The following DNAH9 variants were observed in gnomAD, a reference collection of about 807,000 sequenced individuals.
DNAH9 encodes the protein dynein axonemal heavy chain 9.
DNAH9 carries 345 observed loss-of-function variants against 471.6 expected under a neutral mutation model. The ratio of observed to expected loss-of-function variants is 0.73; its 90% CI spans 0.67 to 0.80. The LOEUF is 0.80. Ranked by LOEUF, DNAH9 falls within the 30% of genes least tolerant of loss-of-function variation. The pLI is 0.00. For missense variants in DNAH9, 5,407 were observed against 5,609.2 expected (o/e 0.96, Z 1.15); for synonymous variants, 2,093 against 2,123.6 (o/e 0.99, Z 0.40).
chr17:11,867,786 A>T (rs1383069761), intron 50 of DNAH9, among the ~76,000 whole-genome samples: 1 of 152,210 alleles, frequency 6.6e-6, no homozygotes, highest in Non-Finnish European at 1.5e-5. Context: ...TTATGCCAAG[A>T]TGTGGCACCT....
chr17:11,864,062 A>G (rs1366532203), intron 50 of DNAH9, among the ~76,000 whole-genome samples: 2 of 150,508 alleles, frequency 1.3e-5, no homozygotes. Flanking sequence ...GCCTTCTGCT[A>G]GCTTTTAAAT....
chr17:11,835,140 G>A (rs1970807455), intron 49 of DNAH9, among the ~76,000 whole-genome samples: 1 of 152,194 alleles, frequency 6.6e-6, no homozygotes, highest in East Asian at 1.9e-4. Context: ...AAAGTCAGCT[G>A]ATCCAAACTC....
chr17:11,829,170 A>T (rs1970604223), intron 48 of DNAH9, among the ~76,000 whole-genome samples: 1 of 152,124 alleles, frequency 6.6e-6, no homozygotes, highest in Non-Finnish European at 1.5e-5. Context: ...TCTGTAACAA[A>T]CTCTTAATCT....
chr17:11,944,772 T>C (rs1244888028), intron 67 of DNAH9, among the ~76,000 whole-genome samples: 6 of 152,054 alleles, frequency 3.9e-5, no homozygotes, highest in Non-Finnish European at 8.8e-5. Context: ...TACCAACCTC[T>C]AAGGGTGGGG....
rs762163659 is a variant in DNAH9 at position 11,694,455 on chromosome 17, G to T, written c.4872+8G>T. ...GGCACAGCTCCACAACAGGTAAGCT[G>T]GAGGAGCATCTGCAGAAAGGTCTAG... On this transcript the variant is annotated splice_region_variant and intron_variant, in intron 22 of 68. Transcript: ENST00000262442. The T allele has an allele frequency of 6.2e-7, 1 of 1,613,188 alleles. No homozygotes were observed. Among genetic ancestry groups the T allele is most frequent in the Non-Finnish European group, 8.5e-7 (1 of 1,179,822 alleles).
intron 28 of DNAH9, 134 bp from the exon 29 acceptor site, chr17:11,738,746 A>AT: frequency 1.3e-6 from 1 of 753,084 alleles, no homozygotes; most frequent in Non-Finnish European, 2.2e-6. Flanking sequence ...TGTGGTCATC[A>AT]TGCCTGTCTT....
chr17:11,962,365 A>T lies in DNAH9; in HGVS notation c.13233+109A>T. 6.9e-7 allele frequency: 1 copy of T among 1,447,096 alleles called. No individual in the cohort carries two copies. The highest frequency in any genetic ancestry group is 1.5e-5 in the South Asian group (1 of 67,028). 89.6% of individuals were successfully genotyped at this position (1,447,096 alleles called of 1,614,324 possible). A position where few individuals can be genotyped will look rare whatever the true frequency, so the allele number is the denominator to read the frequency against. ...GAGATATTCCTGAATCTTTTTCTCT[A>T]GCTAACCTTCTTTCCTTGAGGCCAT... On this transcript the variant is annotated intron_variant, in intron 68 of 68. Transcript: ENST00000262442. This position sits in a 1 kb window ranked among gnomAD's most constrained non-coding sequence, Gnocchi z 4.1.
chr17:11,959,099 CAAAA>C (rs11305692), intron 67 of DNAH9, among the ~76,000 whole-genome samples: 1 of 150,952 alleles, frequency 6.6e-6, no homozygotes, highest in African/African-American at 2.4e-5. Context: ...TTTAAAATAT[CAAAA>C]AAAAAACAGA....
intron 32 of DNAH9, among the ~76,000 whole-genome samples, chr17:11,751,829 A>G (rs1048797853): frequency 1.3e-5 from 2 of 152,146 alleles, no homozygotes; most frequent in East Asian, 3.8e-4. Context: ...ATGCAACTTT[A>G]TACCTAGAAA....
rs531773468 is a variant in DNAH9, at chr17:11,609,151, G to A, written c.614+826G>A. 1.8e-4 allele frequency among the ~76,000 whole-genome samples: 27 copies of A among 152,318 alleles called. No homozygotes were observed. In the South Asian group the frequency reaches 5.6e-3, roughly 32 times the overall value. On this transcript the variant is annotated intron_variant, in intron 2 of 68. Transcript: ENST00000262442. ...CCCAATGTATTACTGTCAACATTGT[G>A]TATTCAGGATCCATGATTTGATCCG... is the stretch of plus-strand genomic sequence containing the variant.
At chr17:11,681,244 A>G (rs2074128225) in intron 19 of DNAH9, among the ~76,000 whole-genome samples, 1 of 152,224 alleles carries the variant, frequency 6.6e-6, no homozygotes, top group Admixed American at 6.5e-5. Flanking sequence ...GGTTTTAAAA[A>G]GTGGCTGATT....
chr17:11,919,367 C>T (rs571179223), intron 61 of DNAH9, among the ~76,000 whole-genome samples: 203 of 151,356 alleles, frequency 1.3e-3, no homozygotes, highest in Non-Finnish European at 2.1e-3. Context: ...TGGTGGCGGG[C>T]GCCTGTAGTC....
At chr17:11,935,787 T>TA (rs1974692813) in intron 65 of DNAH9, among the ~76,000 whole-genome samples, 1 of 151,274 alleles carries the variant, frequency 6.6e-6, no homozygotes, top group African/African-American at 2.5e-5. Context: ...CTGCAAGCTT[T>TA]AAAAAAATTT....
At chr17:11,845,153 C>G (rs1305976012) in intron 49 of DNAH9, among the ~76,000 whole-genome samples, 2 of 146,006 alleles carry the variant, frequency 1.4e-5, no homozygotes, top group African/African-American at 5.1e-5. Context: ...TATTCCTCCC[C>G]CCTCCCCCGA....
Position 11,736,059 on chromosome 17 carries a change from G to A in DNAH9, c.5815-2821G>A, listed in dbSNP as rs183576652. Reference sequence around the variant, plus strand: ...GATTTATAGAAAAGTTGTAAAAATAGCATCGAATTTCTACATATCTCACTT... The same window carrying A: ...GATTTATAGAAAAGTTGTAAAAATAACATCGAATTTCTACATATCTCACTT... On this transcript the variant is annotated intron_variant, in intron 28 of 68. Transcript: ENST00000262442. 3.8e-3 allele frequency among the ~76,000 whole-genome samples: 581 copies of A among 152,112 alleles called. 3 individuals carry two copies. Among genetic ancestry groups the A allele is most frequent in the African/African-American group, 0.013 (543 of 41,482 alleles).
chr17:11,839,515 C>CAAAA (rs1187144134), intron 49 of DNAH9, among the ~76,000 whole-genome samples: 2 of 106,160 alleles, frequency 1.9e-5, no homozygotes, highest in African/African-American at 6.9e-5. Context: ...GACTCTGTCT[C>CAAAA]AAAAAAAAAA....
intron 57 of DNAH9, among the ~76,000 whole-genome samples, chr17:11,890,784 T>C (rs1469342014): frequency 1.3e-5 from 2 of 152,052 alleles, no homozygotes; most frequent in Non-Finnish European, 2.9e-5. Context: ...GCATAGTTCA[T>C]TGCAGCCTCA....
chr17:11,792,960 C>A (rs1969115523), intron 41 of DNAH9, among the ~76,000 whole-genome samples: 1 of 152,178 alleles, frequency 6.6e-6, no homozygotes, highest in Non-Finnish European at 1.5e-5. Context: ...ATTAAATGAG[C>A]TTCATCTGGC....
At chr17:11,658,314 A>G (rs149955253) in intron 14 of DNAH9, among the ~76,000 whole-genome samples, 100 of 152,212 alleles carry the variant, frequency 6.6e-4, no homozygotes, top group Middle Eastern at 6.8e-3. Context: ...TCATTTTCCA[A>G]TTACTATCAG....
Sources: allele counts gnomAD v4.1 joint callset (sites outside exome capture counted in the v4.1 genomes callset), GRCh38; gene constraint gnomAD v4.1.1; non-coding constraint Gnocchi (gnomAD v3.1); transcripts MANE v1.5; gene names NCBI Gene and HGNC (gene_info 2026-07-23, HGNC 2026-07-21).